OSBPL3: variants seen among roughly 807,000 people sequenced by gnomAD.
The protein encoded by OSBPL3 is oxysterol binding protein like 3.
OSBPL3 carries 65 observed loss-of-function variants against 120.1 expected under a neutral mutation model. The observed-to-expected ratio is 0.54, with a 90% CI of 0.44 to 0.67. The LOEUF is 0.67. Ranked by LOEUF, OSBPL3 falls within the 30% of genes least tolerant of loss-of-function variation. The pLI, the probability that OSBPL3 is intolerant of heterozygous loss-of-function variation, is 0.00. For synonymous variants in OSBPL3, 416 were observed against 402.6 expected (o/e 1.03, Z -0.40); for missense variants, 1,004 against 1,082.1 (o/e 0.93, Z 1.01).
intron 19 of OSBPL3, among the ~76,000 whole-genome samples, chr7:24,812,447 TCAGCTCAGGCCAGTCCAGCC>T (rs979626515): frequency 2.2e-4 from 34 of 152,022 alleles, no homozygotes; most frequent in South Asian, 8.3e-4. Flanking sequence ...TCAGTTCAGC[TCAGCTCAGGCCAGTCCAGCC>T]CAGCTCAGGC....
Position 24,834,326 on chromosome 7 carries a change from A to G in OSBPL3, c.1746+160T>C, listed in dbSNP as rs1796729374. On this transcript the variant is annotated intron_variant, in intron 15 of 22. Transcript: ENST00000313367. The surrounding 1 kb of genome is among the most constrained non-coding windows in gnomAD (Gnocchi z 5.2). ...CCTCACAAGGTGACTGGAAACAGCCAGGCGGAGGAAGCCAGACAGCTCTGA... is the reference window on the plus strand; with the variant it reads ...CCTCACAAGGTGACTGGAAACAGCCGGGCGGAGGAAGCCAGACAGCTCTGA... 1 of 1,469,794 alleles carries G rather than the reference A, an allele frequency of 6.8e-7. No homozygotes were observed. Among genetic ancestry groups the G allele is most frequent in the Non-Finnish European group, 9.0e-7 (1 of 1,109,298 alleles). 91.0% of individuals were successfully genotyped at this position (1,469,794 alleles called of 1,614,324 possible).
At chr7:24,850,820 A>G (rs536552570) in intron 11 of OSBPL3, among the ~76,000 whole-genome samples, 1 of 152,378 alleles carries the variant, frequency 6.6e-6, no homozygotes, top group East Asian at 1.9e-4. Flanking sequence ...TACAGCACCG[A>G]CATACCCATT....
Position 24,955,932 on chromosome 7 carries a change from C to T in OSBPL3, c.-150+23954G>A, listed in dbSNP as rs1814993459. Among the ~76,000 whole-genome samples, 1 of 152,226 alleles carries T rather than the reference C, an allele frequency of 6.6e-6. No homozygotes were observed. Among genetic ancestry groups the T allele is most frequent in the South Asian group, 2.1e-4 (1 of 4,828 alleles). On this transcript the variant is annotated intron_variant, in intron 1 of 22. Transcript: ENST00000313367. This position sits in a 1 kb window ranked among gnomAD's most constrained non-coding sequence, Gnocchi z 4.3. ...ATCTTTCAGATCTTTTTCACTCAAA[C>T]TAGTTCTTGGTCCTGCTGAGGAAAC...
At position 24,831,563 on chromosome 7, in the gene OSBPL3, T is replaced by C. The variant is rs1796369780; in HGVS notation, c.1747-658A>G. 6.6e-6 allele frequency among the ~76,000 whole-genome samples: 1 copy of C among 152,222 alleles called. No individual in the cohort carries two copies. The highest frequency in any genetic ancestry group is 2.4e-5 in the African/African-American group (1 of 41,456). ...GTGAACACGAAGTGAACAAACTCTC[T>C]GGGCAGCCCTTACTGTGAGGTCTTG... On this transcript the variant is annotated intron_variant, in intron 15 of 22. Transcript: ENST00000313367. This position sits in a 1 kb window ranked among gnomAD's most constrained non-coding sequence, Gnocchi z 4.0.
chr7:24,845,617 A>G (rs998935705), intron 12 of OSBPL3, among the ~76,000 whole-genome samples: 40 of 132,914 alleles, frequency 3.0e-4, no homozygotes, highest in Non-Finnish European at 6.8e-5. Flanking sequence ...TTCCCAGTCT[A>G]TTATTTGCCT....
rs1301945080 is a variant in OSBPL3 at position 24,912,882 on chromosome 7, T to C, written c.-149-20261A>G. Among the ~76,000 whole-genome samples the C allele has an allele frequency of 6.6e-6, 1 of 152,196 alleles. No homozygotes were observed. The highest frequency in any genetic ancestry group is 2.4e-5 in the African/African-American group (1 of 41,448). ...ATGCTTCGTGACTTCTGAGGCTGCATTAGAAATGGCAATGTAACTTCCACT... is the reference window on the plus strand; with the variant it reads ...ATGCTTCGTGACTTCTGAGGCTGCACTAGAAATGGCAATGTAACTTCCACT... On this transcript the variant is annotated intron_variant, in intron 1 of 22. Transcript: ENST00000313367. The surrounding 1 kb of genome is among the most constrained non-coding windows in gnomAD (Gnocchi z 4.5).
At position 24,977,263 on chromosome 7, in the gene OSBPL3, C is replaced by G. The variant is rs149487749; in HGVS notation, c.-150+2623G>C. ...GTCTATCAGGCCCACAAACCATAAA[C>G]CCAAGCACAAAAATCAATGGCAGTA... On this transcript the variant is annotated intron_variant, in intron 1 of 22. Coordinates refer to ENST00000313367, the MANE Select transcript of OSBPL3 (RefSeq NM_015550.4). Among the ~76,000 whole-genome samples, 16 of 152,234 alleles carry G rather than the reference C, an allele frequency of 1.1e-4. No individual in the cohort carries two copies. In the East Asian group the frequency reaches 3.1e-3, roughly 29 times the overall value.
Position 24,979,919 on chromosome 7 carries a change from TC to T in OSBPL3, c.-184del, listed in dbSNP as rs1818094638. The T allele has an allele frequency of 1.0e-6, 1 of 971,048 alleles. No individual in the cohort carries two copies. 60.2% of individuals were successfully genotyped at this position (971,048 alleles called of 1,614,324 possible). A position where few individuals can be genotyped will look rare whatever the true frequency, so the allele number is the denominator to read the frequency against. ...TGTGCAGCCGGAGACGCTCCCTAGT[TC>T]CCCGGGGCCGGGCTCCGGGGTTAGC... On this transcript the variant is annotated 5_prime_UTR_variant, in exon 1 of 23. Transcript: ENST00000313367.
rs1208292832 is a variant in OSBPL3, at chr7:24,966,649, C to T, written c.-150+13237G>A. 6.6e-6 allele frequency among the ~76,000 whole-genome samples: 1 copy of T among 152,174 alleles called. No individual in the cohort carries two copies. Among genetic ancestry groups the T allele is most frequent in the African/African-American group, 2.4e-5 (1 of 41,424 alleles). ...TTATTGGTATCATTCCTTAATGACA[C>T]ACACACAAAACAAAATTAAAGAAGA... On this transcript the variant is annotated intron_variant, in intron 1 of 22. Coordinates refer to ENST00000313367, the MANE Select transcript of OSBPL3 (RefSeq NM_015550.4). This position sits in a 1 kb window ranked among gnomAD's most constrained non-coding sequence, Gnocchi z 4.8.
chr7:24,848,788 G>C (rs1272272656), intron 12 of OSBPL3, among the ~76,000 whole-genome samples: 2 of 150,598 alleles, frequency 1.3e-5, no homozygotes, highest in East Asian at 3.9e-4. Context: ...AGTACCACTA[G>C]TGAAAGGGGT....
chr7:24,865,229 G>C, intron 7 of OSBPL3, 113 bp downstream of exon 7: 1 of 1,118,532 alleles, frequency 8.9e-7, no homozygotes, highest in South Asian at 1.5e-5. Flanking sequence ...GCAAAATATG[G>C]AAGGGAATGT....
At chr7:24,927,990 T>C (rs1811276425) in intron 1 of OSBPL3, among the ~76,000 whole-genome samples, 1 of 152,156 alleles carries the variant, frequency 6.6e-6, no homozygotes, top group African/African-American at 2.4e-5. Flanking sequence ...CCTTTGGTGC[T>C]GTTCTCATGA....
Position 24,806,969 on chromosome 7 carries a change from C to G in OSBPL3, c.2318-67G>C, listed in dbSNP as rs555594271. The G allele has an allele frequency of 3.5e-6, 5 of 1,421,650 alleles. No homozygotes were observed. The African/African-American group carries it at 5.7e-5, about 16-fold the overall frequency. The allele number at this position is 1,421,650 out of a possible 1,614,324, so 88.1% of individuals were successfully genotyped here. A position where few individuals can be genotyped will look rare whatever the true frequency, so the allele number is the denominator to read the frequency against. On this transcript the variant is annotated intron_variant, in intron 20 of 22. Coordinates refer to ENST00000313367, the MANE Select transcript of OSBPL3 (RefSeq NM_015550.4). This position sits in a 1 kb window ranked among gnomAD's most constrained non-coding sequence, Gnocchi z 5.2. ...CTTATGTTACATTTTAATTCCTTCACCTTTTTCGTCTCAGCCTAGCTACAA... is the reference window on the plus strand; with the variant it reads ...CTTATGTTACATTTTAATTCCTTCAGCTTTTTCGTCTCAGCCTAGCTACAA...
chr7:24,815,390 T>C lies in OSBPL3; in HGVS notation c.2028-187A>G. 6.6e-6 allele frequency among the ~76,000 whole-genome samples: 1 copy of C among 152,226 alleles called. No individual in the cohort carries two copies. Among genetic ancestry groups the C allele is most frequent in the East Asian group, 1.9e-4 (1 of 5,202 alleles). ...GGAGCTTCCACTCTCCAAGGAGGCA[T>C]GCATGCCACAGAGAATGACAGCATT... On this transcript the variant is annotated intron_variant, in intron 18 of 22. Coordinates refer to ENST00000313367, the MANE Select transcript of OSBPL3 (RefSeq NM_015550.4). This position sits in a 1 kb window ranked among gnomAD's most constrained non-coding sequence, Gnocchi z 5.1.
intron 2 of OSBPL3, among the ~76,000 whole-genome samples, chr7:24,884,463 G>A (rs970249068): frequency 2.6e-5 from 4 of 152,114 alleles, no homozygotes; most frequent in Middle Eastern, 3.2e-3. Flanking sequence ...AGATGCTATC[G>A]GAGAGTTTTC....
rs748293728 is a variant in OSBPL3 at position 24,940,631 on chromosome 7, A to G, written c.-150+39255T>C. ...GTTTGGCCACTGGAGCGGGCGGCTGAGGTGGTATGGGAGGTACCTAAAACC... is the reference window on the plus strand; with the variant it reads ...GTTTGGCCACTGGAGCGGGCGGCTGGGGTGGTATGGGAGGTACCTAAAACC... On this transcript the variant is annotated intron_variant, in intron 1 of 22. Transcript: ENST00000313367. This position sits in a 1 kb window ranked among gnomAD's most constrained non-coding sequence, Gnocchi z 4.4. 1.3e-5 allele frequency among the ~76,000 whole-genome samples: 2 copies of G among 152,056 alleles called. No individual in the cohort carries two copies. Among genetic ancestry groups the G allele is most frequent in the Admixed American group, 6.6e-5 (1 of 15,258 alleles).
Position 24,824,622 on chromosome 7 carries a change from G to T in OSBPL3, c.1885-4384C>A, listed in dbSNP as rs1445609515. ...GTCACTCATCAAGTACTTATTGATT[G>T]CCTGTGATGTGTCAGGCACCGTCCT... is the stretch of plus-strand genomic sequence containing the variant. On this transcript the variant is annotated intron_variant, in intron 16 of 22. Transcript: ENST00000313367. This position sits in a 1 kb window ranked among gnomAD's most constrained non-coding sequence, Gnocchi z 4.9. Among the ~76,000 whole-genome samples, 1 of 152,224 alleles carries T rather than the reference G, an allele frequency of 6.6e-6. No individual in the cohort carries two copies. The highest frequency in any genetic ancestry group is 1.5e-5 in the Non-Finnish European group (1 of 68,026).
In OSBPL3 at chr7:24,831,456, T is replaced by C. The variant is rs981683593; in HGVS notation, c.1747-551A>G. 6.6e-6 allele frequency among the ~76,000 whole-genome samples: 1 copy of C among 152,148 alleles called. No homozygotes were observed. The highest frequency in any genetic ancestry group is 1.5e-5 in the Non-Finnish European group (1 of 68,020). ...AACAAGCCACAGGATATAGTGACTT[T>C]AAAGTTCTGCTTTTTTGGGAGGAAA... On this transcript the variant is annotated intron_variant, in intron 15 of 22. Coordinates refer to ENST00000313367, the MANE Select transcript of OSBPL3 (RefSeq NM_015550.4). The surrounding 1 kb of genome is among the most constrained non-coding windows in gnomAD (Gnocchi z 4.0).
chr7:24,917,446 T>TACAC (rs1554404986), intron 1 of OSBPL3, among the ~76,000 whole-genome samples: 1,811 of 122,112 alleles, frequency 0.015, 47 homozygotes, highest in African/African-American at 0.041. Flanking sequence ...TATATATATA[T>TACAC]ACACACACAT....
Sources: allele counts gnomAD v4.1 joint callset (sites outside exome capture counted in the v4.1 genomes callset), GRCh38; gene constraint gnomAD v4.1.1; non-coding constraint Gnocchi (gnomAD v3.1); transcripts MANE v1.5; gene names NCBI Gene and HGNC (gene_info 2026-07-23, HGNC 2026-07-21).